GNA12: variants seen among roughly 807,000 people sequenced by gnomAD.
The protein encoded by GNA12 is G protein subunit alpha 12.
Under a neutral mutation model 26.0 loss-of-function variants are expected in GNA12, and 9 were observed. The ratio of observed to expected loss-of-function variants is 0.35; its 90% CI spans 0.21 to 0.60. The LOEUF (loss-of-function observed/expected upper bound fraction) is 0.60, where lower values mean the gene tolerates loss of function less well. GNA12 is among the 20% of genes least tolerant of loss of function. The pLI is 0.78. For synonymous variants in GNA12, 264 were observed against 219.6 expected (o/e 1.20, Z -1.79); for missense variants, 405 against 525.8 (o/e 0.77, Z 2.25).
At chr7:2,742,587 T>G (rs1317481427) in intron 2 of GNA12, among the ~76,000 whole-genome samples, 2 of 152,212 alleles carry the variant, frequency 1.3e-5, no homozygotes, top group South Asian at 4.1e-4. Context: ...AAGAAAGCAC[T>G]GAGTCTCGCC....
intron 2 of GNA12, among the ~76,000 whole-genome samples, chr7:2,770,154 C>T (rs1361795073): frequency 6.6e-6 from 1 of 152,140 alleles, no homozygotes; most frequent in East Asian, 1.9e-4. Flanking sequence ...AACAAACCTA[C>T]AATGTATGAC....
chr7:2,792,748 C>A (rs1015166027), intron 2 of GNA12, among the ~76,000 whole-genome samples: 12 of 152,104 alleles, frequency 7.9e-5, no homozygotes, highest in Non-Finnish European at 1.6e-4. Flanking sequence ...ATTCTTTTAC[C>A]TTAACTGTTA....
chr7:2,763,079 C>T (rs779148907), intron 2 of GNA12: 42 of 1,248,584 alleles, frequency 3.4e-5, no homozygotes, highest in Non-Finnish European at 4.1e-5. Context: ...TCCCTACCAG[C>T]CTTGAGTGAG....
intron 2 of GNA12, among the ~76,000 whole-genome samples, chr7:2,755,418 T>C (rs960748582): frequency 7.2e-5 from 11 of 152,178 alleles, no homozygotes; most frequent in African/African-American, 2.7e-4. Flanking sequence ...AGATCTCATT[T>C]CTTGAGTGTT....
chr7:2,739,114 C>G (rs577137681), intron 2 of GNA12, among the ~76,000 whole-genome samples: 2 of 152,224 alleles, frequency 1.3e-5, no homozygotes, highest in Non-Finnish European at 1.5e-5. Flanking sequence ...AGGGGTGCCA[C>G]GCCGGGCCCC....
At chr7:2,753,973 T>C (rs139493913) in intron 2 of GNA12, among the ~76,000 whole-genome samples, 2 of 152,144 alleles carry the variant, frequency 1.3e-5, no homozygotes, top group Non-Finnish European at 2.9e-5. Flanking sequence ...CTTAGGTGCT[T>C]TGTTCACTTG....
intron 2 of GNA12, among the ~76,000 whole-genome samples, chr7:2,747,932 C>T (rs924315877): frequency 6.6e-6 from 1 of 151,462 alleles, no homozygotes; most frequent in Admixed American, 6.6e-5. Flanking sequence ...GAATAAAATA[C>T]CTAGGAATCC....
intron 3 of GNA12, among the ~76,000 whole-genome samples, chr7:2,732,560 C>G (rs1032928503): frequency 2.4e-4 from 37 of 152,024 alleles, no homozygotes; most frequent in Non-Finnish European, 4.3e-4. Context: ...AATCGAAAAA[C>G]AAAACAGAAC....
chr7:2,781,713 GGCGTACAAAAATAA>G (rs1326647687), intron 2 of GNA12, among the ~76,000 whole-genome samples: 1 of 151,828 alleles, frequency 6.6e-6, no homozygotes, highest in African/African-American at 2.4e-5. Flanking sequence ...TTCATGGGTG[GGCGTACAAAAATAA>G]GCTACATGAA....
chr7:2,780,182 G>T (rs1792193776), intron 2 of GNA12, among the ~76,000 whole-genome samples: 1 of 149,310 alleles, frequency 6.7e-6, no homozygotes, highest in Non-Finnish European at 1.5e-5. Context: ...TTCTTTCCAT[G>T]TCAACATAGA....
chr7:2,785,700 C>A (rs1792341858), intron 2 of GNA12, among the ~76,000 whole-genome samples: 1 of 150,216 alleles, frequency 6.7e-6, no homozygotes, highest in African/African-American at 2.5e-5. Context: ...TATGTGCATA[C>A]ACACACACAT....
chr7:2,751,950 T>G (rs1791061678), intron 2 of GNA12, among the ~76,000 whole-genome samples: 3 of 152,142 alleles, frequency 2.0e-5, no homozygotes, highest in African/African-American at 7.2e-5. Flanking sequence ...CTAACGAACG[T>G]GAACTTTTTC....
At chr7:2,813,559 G>A (rs764165496) in intron 1 of GNA12, among the ~76,000 whole-genome samples, 12 of 152,150 alleles carry the variant, frequency 7.9e-5, no homozygotes, top group South Asian at 2.1e-4. Context: ...GGGACATTCC[G>A]GGAGAGCTCT....
Position 2,731,475 on chromosome 7 carries a change from C to T in GNA12, c.852G>A (p.Lys284=). 1 of 1,613,872 alleles carries T rather than the reference C, an allele frequency of 6.2e-7. No individual in the cohort carries two copies. The highest frequency in any genetic ancestry group is 8.5e-7 in the Non-Finnish European group (1 of 1,179,896). ...MNIFETIVNN[K]LFFNVSIILF... ...GAATGATGGAGACGTTGAAGAAGAG[C>T]TTGTTGTTGACGATGGTCTCGAAGA... Residue 284 remains lysine (K), a synonymous_variant, in exon 4 of 4, where the codon AAG becomes AAA. Coordinates refer to ENST00000275364, the MANE Select transcript of GNA12 (RefSeq NM_007353.3). This position sits in a 1 kb window ranked among gnomAD's most constrained non-coding sequence, Gnocchi z 6.0.
chr7:2,730,592 G>C lies in GNA12; in HGVS notation c.*589C>G, dbSNP rs1441832816. 6.5e-6 allele frequency: 1 copy of C among 152,690 alleles called. No homozygotes were observed. The highest frequency in any genetic ancestry group is 2.1e-4 in the South Asian group (1 of 4,828). 9.5% of individuals were successfully genotyped at this position (152,690 alleles called of 1,614,324 possible). ...CTAGGGGCTCTTAGGAAATCGGCACGGGAGTTTGAAAAGGCAACGTGCTCC... is the reference window on the plus strand; with the variant it reads ...CTAGGGGCTCTTAGGAAATCGGCACCGGAGTTTGAAAAGGCAACGTGCTCC... On this transcript the variant is annotated 3_prime_UTR_variant, in exon 4 of 4. Coordinates refer to ENST00000275364, the MANE Select transcript of GNA12 (RefSeq NM_007353.3).
chr7:2,809,613 T>C (rs1043090888), intron 1 of GNA12, among the ~76,000 whole-genome samples: 1 of 152,134 alleles, frequency 6.6e-6, no homozygotes, highest in Non-Finnish European at 1.5e-5. Context: ...CTACTCTGGG[T>C]ACACCGCCTT....
intron 2 of GNA12, among the ~76,000 whole-genome samples, chr7:2,778,227 A>G (rs954770234): frequency 4.6e-5 from 7 of 152,244 alleles, no homozygotes; most frequent in South Asian, 2.1e-4. Flanking sequence ...GAAAAAAGTC[A>G]TAACAACTTA....
intron 1 of GNA12, among the ~76,000 whole-genome samples, chr7:2,814,063 C>T (rs1793154451): frequency 1.3e-5 from 2 of 152,172 alleles, no homozygotes; most frequent in African/African-American, 4.8e-5. Flanking sequence ...TGGATGTCCA[C>T]CATCGGCTGC....
chr7:2,739,826 C>A (rs189060900), intron 2 of GNA12, among the ~76,000 whole-genome samples: 1 of 152,182 alleles, frequency 6.6e-6, no homozygotes, highest in South Asian at 2.1e-4. Flanking sequence ...CGTGCGCCAC[C>A]AAACCTGGCT....
Sources: allele counts gnomAD v4.1 joint callset (sites outside exome capture counted in the v4.1 genomes callset), GRCh38; gene constraint gnomAD v4.1.1; non-coding constraint Gnocchi (gnomAD v3.1); transcripts MANE v1.5; gene names NCBI Gene and HGNC (gene_info 2026-07-23, HGNC 2026-07-21).